Variants in NRROS observed in about 807,000 individuals in gnomAD.
NRROS encodes negative regulator of reactive oxygen species, also known as transforming growth factor beta activator LRRC33.
In NRROS, 6 loss-of-function variants were observed where a neutral mutation model predicts 12.0. The observed-to-expected ratio is 0.50, with a 90% CI of 0.27 to 0.98. NRROS has a LOEUF of 0.98. NRROS is among the 50% of genes least tolerant of loss of function. NRROS has a pLI of 0.11. For synonymous variants in NRROS, 462 were observed against 410.2 expected (o/e 1.13, Z -1.53); for missense variants, 857 against 888.2 (o/e 0.96, Z 0.45).
rs1051849887 is a variant in NRROS, at chr3:196,661,360, C to A, written c.1717C>A (p.Leu573Ile). The A allele has an allele frequency of 2.9e-5, 45 of 1,577,174 alleles. No homozygotes were observed. In the Middle Eastern group the frequency reaches 5.1e-4, roughly 18 times the overall value. Residue 573 changes from leucine to isoleucine, a missense_variant, in exon 3 of 3, where the codon CTT becomes ATT. Transcript: ENST00000328557. ...LDLRRNSLTA[L>I]PQKAVSEQLS... ...TCTCCGTAGAAACTCGCTCACAGCC[C>A]TTCCCCAGAAGGCTGTGTCTGAGCA...
Position 196,654,380 on chromosome 3 carries a change from C to T in NRROS, c.-13-147C>T. On this transcript the variant is annotated intron_variant, in intron 1 of 2. Transcript: ENST00000328557. The surrounding 1 kb of genome is among the most constrained non-coding windows in gnomAD (Gnocchi z 4.4). Reference sequence around the variant, plus strand: ...GGAAGTCTTGGCTAAATGGAGGTATCTGAGTATCCTGTGGGCTGCACCTCT... The same window carrying T: ...GGAAGTCTTGGCTAAATGGAGGTATTTGAGTATCCTGTGGGCTGCACCTCT... 1.6e-6 allele frequency: 1 copy of T among 619,724 alleles called. No homozygotes were observed. Among genetic ancestry groups the T allele is most frequent in the Non-Finnish European group, 2.9e-6 (1 of 344,250 alleles). The allele number at this position is 619,724 out of a possible 1,614,324, so 38.4% of individuals were successfully genotyped here. A position where few individuals can be genotyped will look rare whatever the true frequency, so the allele number is the denominator to read the frequency against.
chr3:196,642,633 C>A (rs1038213996), intron 1 of NRROS, among the ~76,000 whole-genome samples: 3 of 152,154 alleles, frequency 2.0e-5, no homozygotes, highest in African/African-American at 7.2e-5. Flanking sequence ...CTCACGGGCC[C>A]AGCCTTACTC....
chr3:196,661,649 T>C lies in NRROS; in HGVS notation c.2006T>C (p.Val669Ala), dbSNP rs1737686019. The change falls in exon 3 of 3, where the codon GTC becomes GCC. Residue 669 changes from valine (V) to alanine (A), a missense_variant. By Grantham distance (64) the Val-to-Ala change is moderately conservative (BLOSUM62 0). Transcript: ENST00000328557. The part of the protein sequence containing the change: ...SCLTLLVACT[V>A]IVLTFKKPLL... Reference sequence around the variant, plus strand: ...CTCACCCTGCTGGTGGCCTGCACTGTCATCGTCCTCACTTTTAAGAAGCCT... The same window carrying C: ...CTCACCCTGCTGGTGGCCTGCACTGCCATCGTCCTCACTTTTAAGAAGCCT... 3 of 1,609,254 alleles carry C rather than the reference T, an allele frequency of 1.9e-6. No homozygotes were observed. Among genetic ancestry groups the C allele is most frequent in the East Asian group, 4.5e-5 (2 of 44,884 alleles).
intron 1 of NRROS, among the ~76,000 whole-genome samples, chr3:196,645,906 C>A (rs1338834679): frequency 6.6e-6 from 1 of 152,214 alleles, no homozygotes; most frequent in African/African-American, 2.4e-5. Context: ...TTTCCCTCAA[C>A]ACCAGCTTGC....
rs1358200946 is a variant in NRROS at position 196,659,799 on chromosome 3, C to T, written c.156C>T (p.Pro52=). 5.0e-6 allele frequency: 8 copies of T among 1,613,696 alleles called. No individual in the cohort carries two copies. The highest frequency in any genetic ancestry group is 2.7e-5 in the African/African-American group (2 of 75,040). Residue 52 remains proline, a synonymous_variant, in exon 3 of 3, where the codon CCC becomes CCT. Transcript: ENST00000328557. ...GAGGGCAGAGCCTCGCTTCGGTGCC[C>T]AGCAGCCTCCCGCCCCACGCCCGGA... ...DCRGQSLASV[P]SSLPPHARML... is the part of the protein sequence containing the mutation.
chr3:196,642,229 C>A (rs1428873058), intron 1 of NRROS, among the ~76,000 whole-genome samples: 1 of 145,976 alleles, frequency 6.9e-6, no homozygotes, highest in Non-Finnish European at 1.5e-5. Flanking sequence ...GAATCAGATT[C>A]TTAGATAGAT....
intron 2 of NRROS, among the ~76,000 whole-genome samples, chr3:196,655,584 C>T (rs981729458): frequency 2.0e-5 from 3 of 152,028 alleles, no homozygotes; most frequent in African/African-American, 4.8e-5. Context: ...TGAGCTGCAC[C>T]GATGGTATGA....
In NRROS at chr3:196,660,187, C is replaced by T. The variant is rs140233771; in HGVS notation, c.544C>T (p.Arg182Cys). 19 of 1,612,948 alleles carry T rather than the reference C, an allele frequency of 1.2e-5. 1 individual carries two copies. The Admixed American group carries it at 2.7e-4, about 23-fold the overall frequency. ...LDDSVFEGLE[R>C]LRELDLQRNY... ...CGACTCCGTCTTCGAGGGCCTGGAG[C>T]GTCTCCGGGAGCTGGATCTGCAGAG... Residue 182 changes from arginine to cysteine, a missense_variant, in exon 3 of 3, where the codon CGT becomes TGT. By Grantham distance (180) the Arg-to-Cys change is radical. Transcript: ENST00000328557. The surrounding 1 kb of genome is among the most constrained non-coding windows in gnomAD (Gnocchi z 7.7).
rs548849256 is a variant in NRROS at position 196,660,678 on chromosome 3, C to T, written c.1035C>T (p.Asp345=). The change falls in exon 3 of 3, where the codon GAC becomes GAT. Residue 345 remains aspartate (D), a synonymous_variant. Transcript: ENST00000328557. The surrounding 1 kb of genome is among the most constrained non-coding windows in gnomAD (Gnocchi z 7.7). The part of the protein sequence containing the change: ...MSQNQFQYLP[D]GFLRKMPSLS... ...AGAACCAGTTCCAGTACCTGCCAGA[C>T]GGCTTCCTGAGGAAAATGCCTTCCC... 4 of 1,614,170 alleles carry T rather than the reference C, an allele frequency of 2.5e-6. No homozygotes were observed. Among genetic ancestry groups the T allele is most frequent in the African/African-American group, 2.7e-5 (2 of 75,060 alleles).
intron 1 of NRROS, among the ~76,000 whole-genome samples, chr3:196,652,973 C>G (rs1737458691): frequency 6.6e-6 from 1 of 152,204 alleles, no homozygotes; most frequent in African/African-American, 2.4e-5. Flanking sequence ...AAGGATGTAT[C>G]TAGCATTGAA....
At position 196,661,023 on chromosome 3, in the gene NRROS, T is replaced by C; in HGVS notation, c.1380T>C (p.Asn460=). The part of the protein sequence containing the change: ...VGPPSCVDFR[N]MASLRSLSLE... ...CCCCTAGCTGTGTGGATTTCAGGAA[T>C]ATGGCATCTTTAAGGAGCCTGTCTC... The change falls in exon 3 of 3, where the codon AAT becomes AAC. Residue 460 remains asparagine (N), a synonymous_variant. Coordinates refer to ENST00000328557, the MANE Select transcript of NRROS (RefSeq NM_198565.3). 6.2e-7 allele frequency: 1 copy of C among 1,614,158 alleles called. No individual in the cohort carries two copies. The highest frequency in any genetic ancestry group is 8.5e-7 in the Non-Finnish European group (1 of 1,180,024).
At chr3:196,655,274 C>A (rs984829049) in intron 2 of NRROS, among the ~76,000 whole-genome samples, 1 of 150,702 alleles carries the variant, frequency 6.6e-6, no homozygotes, top group Non-Finnish European at 1.5e-5. Flanking sequence ...GTGGCTCACG[C>A]CTGTCATCCC....
intron 1 of NRROS, among the ~76,000 whole-genome samples, chr3:196,649,616 C>T (rs1737379069): frequency 1.3e-5 from 2 of 152,130 alleles, no homozygotes; most frequent in East Asian, 1.9e-4. Flanking sequence ...GGACTACAGG[C>T]GCCCGCCACC....
At position 196,659,912 on chromosome 3, in the gene NRROS, G is replaced by C; in HGVS notation, c.269G>C (p.Ser90Thr). ...YPLLESLSLH[S>T]CHLERISRGA... Reference sequence around the variant, plus strand: ...CTCCTGGAGAGCCTCAGCCTGCACAGCTGCCACCTGGAGCGCATCAGCCGC... The same window carrying C: ...CTCCTGGAGAGCCTCAGCCTGCACACCTGCCACCTGGAGCGCATCAGCCGC... Residue 90 changes from serine (S) to threonine (T), a missense_variant, in exon 3 of 3, where the codon AGC (serine) becomes ACC (threonine). Transcript: ENST00000328557. 1 of 1,614,116 alleles carries C rather than the reference G, an allele frequency of 6.2e-7. No individual in the cohort carries two copies. The highest frequency in any genetic ancestry group is 8.5e-7 in the Non-Finnish European group (1 of 1,179,988).
intron 1 of NRROS, among the ~76,000 whole-genome samples, chr3:196,641,211 A>G: frequency 6.6e-6 from 1 of 151,946 alleles, no homozygotes. Flanking sequence ...AAAAATATAT[A>G]TATTTATTTA....
rs73084940 is a variant in NRROS, at chr3:196,652,609, T to G, written c.-13-1918T>G. Among the ~76,000 whole-genome samples the G allele has an allele frequency of 5.4e-3, 825 of 152,298 alleles. 9 individuals carry two copies. The highest frequency in any genetic ancestry group is 0.019 in the African/African-American group (778 of 41,558). ...CAACAAGAGTTTTTTTCTGGGCTGG[T>G]TGGCTGAGTTTAGGAGGAAGGAGAG... is the stretch of plus-strand genomic sequence containing the variant. On this transcript the variant is annotated intron_variant, in intron 1 of 2. Transcript: ENST00000328557.
intron 1 of NRROS, among the ~76,000 whole-genome samples, chr3:196,651,537 C>T (rs1011134113): frequency 2.0e-5 from 3 of 152,082 alleles, no homozygotes; most frequent in Non-Finnish European, 4.4e-5. Flanking sequence ...GAGGTCAAGG[C>T]GGGCAGATCA....
intron 2 of NRROS, among the ~76,000 whole-genome samples, chr3:196,659,296 C>CTTT (rs35305090): frequency 9.8e-5 from 8 of 81,406 alleles, no homozygotes; most frequent in East Asian, 9.1e-4. Context: ...CTCTCAAGTC[C>CTTT]TTTTTTTTTT....
rs1321589259 is a variant in NRROS, at chr3:196,654,218, T to C, written c.-13-309T>C. Among the ~76,000 whole-genome samples the C allele has an allele frequency of 1.3e-5, 2 of 152,220 alleles. No homozygotes were observed. Among genetic ancestry groups the C allele is most frequent in the Non-Finnish European group, 2.9e-5 (2 of 68,034 alleles). On this transcript the variant is annotated intron_variant, in intron 1 of 2. Coordinates refer to ENST00000328557, the MANE Select transcript of NRROS (RefSeq NM_198565.3). This position sits in a 1 kb window ranked among gnomAD's most constrained non-coding sequence, Gnocchi z 4.4. ...CAAAATATGGGAAACTCCAGGTGAC[T>C]GGAGGCCTGGTTACTCAAGCTTTTT...
Sources: gnomAD v4.1 joint callset for allele counts (sites outside exome capture counted in the v4.1 genomes callset) on GRCh38, gnomAD v4.1.1 for gene constraint, Gnocchi (gnomAD v3.1) non-coding constraint, MANE v1.5 for transcripts, NCBI Gene and HGNC (gene_info 2026-07-23, HGNC 2026-07-21) for gene names.